The following PLCL1 variants were observed in gnomAD, a reference collection of about 807,000 sequenced individuals.
PLCL1 encodes inactive phospholipase C-like protein 1.
In PLCL1, 41 loss-of-function variants were observed where a neutral mutation model predicts 84.4. The ratio of observed to expected loss-of-function variants is 0.49; its 90% CI spans 0.38 to 0.63. The LOEUF is 0.63. PLCL1 is among the 30% of genes least tolerant of loss of function. The probability of loss-of-function intolerance (pLI) is 0.00; values close to 1 mark genes in which losing one functional copy is unlikely to be tolerated. For missense variants in PLCL1, 1,206 were observed against 1,367.8 expected, an observed-to-expected ratio of 0.88 and a Z score of 1.87; for synonymous variants, 490 against 488.3, an observed-to-expected ratio of 1.00 and a Z score of -0.05.
At chr2:198,143,833 AT>A (rs1235656552) in intron 5 of PLCL1, among the ~76,000 whole-genome samples, 1 of 152,198 alleles carries the variant, frequency 6.6e-6, no homozygotes, top group East Asian at 1.9e-4. Flanking sequence ...TCATGTTTCA[AT>A]GTACACTCTT....
intron 1 of PLCL1, among the ~76,000 whole-genome samples, chr2:197,945,787 A>G (rs1689259938): frequency 6.6e-6 from 1 of 152,228 alleles, no homozygotes; most frequent in Non-Finnish European, 1.5e-5. Context: ...GATAAACAGT[A>G]GTTATTATTA....
chr2:198,134,507 C>T (rs16827851), intron 5 of PLCL1, among the ~76,000 whole-genome samples: 2,483 of 152,186 alleles, frequency 0.016, 55 homozygotes, highest in African/African-American at 0.056. Context: ...ACTCTTTGGC[C>T]ACTTCAGCTA....
chr2:198,085,740 CA>C lies in PLCL1; in HGVS notation c.2226del (p.Asp744MetfsTer3). Reference protein sequence around the residue: ...NFPKPKGACAKGDVIDPYVCI... With the variant: ...NFPKPKGACAXGDVIDPYVCI... ...TCCCAAAGCCCAAGGGAGCTTGTGC[CA>C]AAGGGGATGTCATAGATCCCTATGT... On this transcript the variant is annotated frameshift_variant, in exon 2 of 6. Transcript: ENST00000428675. LOFTEE classifies it high-confidence loss of function. This position sits in a 1 kb window ranked among gnomAD's most constrained non-coding sequence, Gnocchi z 5.3. 6.2e-7 allele frequency: 1 copy of C among 1,614,026 alleles called. No homozygotes were observed. Among genetic ancestry groups the C allele is most frequent in the Non-Finnish European group, 8.5e-7 (1 of 1,179,926 alleles).
intron 1 of PLCL1, among the ~76,000 whole-genome samples, chr2:197,864,414 T>C (rs1415541443): frequency 6.6e-6 from 1 of 151,836 alleles, no homozygotes; most frequent in African/African-American, 2.4e-5. Context: ...CTTTGTTAAG[T>C]ATAATTTCTA....
intron 1 of PLCL1, among the ~76,000 whole-genome samples, chr2:197,891,949 T>C (rs1174953107): frequency 6.6e-6 from 1 of 151,970 alleles, no homozygotes; most frequent in Admixed American, 6.6e-5. Flanking sequence ...CAAAGGAGGG[T>C]TTTTGATTAA....
At chr2:197,875,565 T>G (rs968693842) in intron 1 of PLCL1, among the ~76,000 whole-genome samples, 1 of 152,032 alleles carries the variant, frequency 6.6e-6, no homozygotes, top group East Asian at 1.9e-4. Flanking sequence ...TACTTTGCTG[T>G]GTGTGTGATA....
chr2:197,852,108 A>T (rs571985529), intron 1 of PLCL1, among the ~76,000 whole-genome samples: 37 of 152,330 alleles, frequency 2.4e-4, no homozygotes, highest in African/African-American at 8.7e-4. Context: ...TTTTTGATGT[A>T]CCGGGTGGTG....
intron 1 of PLCL1, among the ~76,000 whole-genome samples, chr2:197,923,577 G>A (rs1176073006): frequency 2.7e-5 from 4 of 147,246 alleles, no homozygotes; most frequent in African/African-American, 7.5e-5. Flanking sequence ...GGGCAGAGAC[G>A]CTCCTCACTT....
At chr2:197,916,910 G>T (rs1688610445) in intron 1 of PLCL1, among the ~76,000 whole-genome samples, 1 of 152,166 alleles carries the variant, frequency 6.6e-6, no homozygotes, top group East Asian at 1.9e-4. Context: ...GCATGTTCAA[G>T]GTAGTATGGC....
intron 1 of PLCL1, among the ~76,000 whole-genome samples, chr2:197,991,293 C>T (rs1161343599): frequency 6.6e-6 from 1 of 152,170 alleles, no homozygotes; most frequent in East Asian, 1.9e-4. Flanking sequence ...GGCCTTCACA[C>T]TTAGACTGGG....
chr2:197,890,114 A>T (rs1249426938), intron 1 of PLCL1, among the ~76,000 whole-genome samples: 1 of 152,202 alleles, frequency 6.6e-6, no homozygotes, highest in Non-Finnish European at 1.5e-5. Context: ...AAGAGCCAAC[A>T]GGGAAGGTGA....
chr2:198,117,879 C>A (rs1018124676), intron 5 of PLCL1, among the ~76,000 whole-genome samples: 14 of 151,822 alleles, frequency 9.2e-5, no homozygotes, highest in African/African-American at 3.4e-4. Context: ...AAGCCAGCAA[C>A]TTCCTTCCTG....
chr2:197,972,619 G>T (rs1339173572), intron 1 of PLCL1, among the ~76,000 whole-genome samples: 1 of 152,162 alleles, frequency 6.6e-6, no homozygotes, highest in Non-Finnish European at 1.5e-5. Flanking sequence ...AATTGCTGGA[G>T]ATCTTCAGCA....
At chr2:198,025,772 A>G (rs979266018) in intron 1 of PLCL1, among the ~76,000 whole-genome samples, 2 of 152,184 alleles carry the variant, frequency 1.3e-5, no homozygotes, top group African/African-American at 4.8e-5. Context: ...GAAAACTCCT[A>G]TGTAAACATG....
chr2:198,133,052 G>A (rs1694162381), intron 5 of PLCL1, among the ~76,000 whole-genome samples: 1 of 151,756 alleles, frequency 6.6e-6, no homozygotes, highest in African/African-American at 2.4e-5. Context: ...CATATGGCTA[G>A]CCAGTTTTCC....
chr2:198,022,211 A>T (rs1691151921), intron 1 of PLCL1, among the ~76,000 whole-genome samples: 1 of 152,180 alleles, frequency 6.6e-6, no homozygotes, highest in South Asian at 2.1e-4. Context: ...CACTCAATAA[A>T]CTAGGTATTT....
intron 3 of PLCL1, among the ~76,000 whole-genome samples, chr2:198,098,939 A>C (rs1336083134): frequency 1.3e-5 from 2 of 152,184 alleles, no homozygotes; most frequent in Non-Finnish European, 2.9e-5. Flanking sequence ...CTCTGGATAC[A>C]TCTAATGCAT....
At chr2:197,830,201 G>C (rs753008062) in intron 1 of PLCL1, among the ~76,000 whole-genome samples, 4 of 151,920 alleles carry the variant, frequency 2.6e-5, no homozygotes, top group Non-Finnish European at 4.4e-5. Context: ...AGCTTCAGAA[G>C]GTGGGTAATA....
rs186342572 is a variant in PLCL1 at position 197,905,558 on chromosome 2, C to T, written c.240+100219C>T. On this transcript the variant is annotated intron_variant, in intron 1 of 5. Transcript: ENST00000428675. ...TGTAAATAGTGCTGCAGTAAGCATA[C>T]ATGTGCATGTGTCTTTATAATAGAA... Among the ~76,000 whole-genome samples the T allele has an allele frequency of 3.5e-3, 530 of 152,296 alleles. 1 individual carries two copies. Among genetic ancestry groups the T allele is most frequent in the Non-Finnish European group, 5.8e-3 (398 of 68,036 alleles).
Sources: allele counts gnomAD v4.1 joint callset (sites outside exome capture counted in the v4.1 genomes callset), GRCh38; gene constraint gnomAD v4.1.1; non-coding constraint Gnocchi (gnomAD v3.1); transcripts MANE v1.5; gene names NCBI Gene and HGNC (gene_info 2026-07-23, HGNC 2026-07-21).